PPP3CA: variants seen among roughly 807,000 people sequenced by gnomAD.
PPP3CA encodes the protein protein phosphatase 3 catalytic subunit alpha.
A neutral mutation model predicts 66.5 loss-of-function variants in PPP3CA; 14 were observed. The observed-to-expected ratio is 0.21, with a 90% CI of 0.14 to 0.33. PPP3CA has a LOEUF of 0.33. Among genes scored for constraint, PPP3CA ranks in the 10% least tolerant of loss-of-function variants. The pLI is 1.00. For missense variants in PPP3CA, 317 were observed against 639.5 expected, an observed-to-expected ratio of 0.50 and a Z score of 5.44; for synonymous variants, 232 against 226.2, an observed-to-expected ratio of 1.03 and a Z score of -0.23.
chr4:101,100,693 C>T (rs898894746), intron 3 of PPP3CA, among the ~76,000 whole-genome samples: 23 of 152,188 alleles, frequency 1.5e-4, no homozygotes, highest in Non-Finnish European at 2.9e-4. Flanking sequence ...GCCCTTTTAT[C>T]CTCGTAAAAC....
In PPP3CA at chr4:101,063,372, A is replaced by C; in HGVS notation, c.956-15T>G. The C allele has an allele frequency of 6.2e-7, 1 of 1,601,426 alleles. No individual in the cohort carries two copies. Among genetic ancestry groups the C allele is most frequent in the Non-Finnish European group, 8.5e-7 (1 of 1,173,646 alleles). The stretch of plus-strand genomic sequence containing the variant: ...CAATACTGCAGCTAAAAATAACCAA[A>C]AGAGGATGTTAGGAACACAGAACAT... On this transcript the variant is annotated splice_polypyrimidine_tract_variant and intron_variant, in intron 8 of 13. Transcript: ENST00000394854.
At chr4:101,150,845 A>C (rs1489150966) in intron 2 of PPP3CA, among the ~76,000 whole-genome samples, 1 of 152,156 alleles carries the variant, frequency 6.6e-6, no homozygotes, top group Non-Finnish European at 1.5e-5. Context: ...ATCACAGCAT[A>C]CGACATATTA....
At chr4:101,324,108 G>GA (rs1729123698) in intron 1 of PPP3CA, among the ~76,000 whole-genome samples, 1 of 142,928 alleles carries the variant, frequency 7.0e-6, no homozygotes, top group Non-Finnish European at 1.5e-5. Context: ...ACAAAAGAAA[G>GA]AAAGAAAAGA....
chr4:101,192,058 G>A (rs1165632485), intron 2 of PPP3CA, among the ~76,000 whole-genome samples: 1 of 152,134 alleles, frequency 6.6e-6, no homozygotes, highest in Non-Finnish European at 1.5e-5. Context: ...ACAAATGAGT[G>A]GAATGTTCTC....
intron 10 of PPP3CA, among the ~76,000 whole-genome samples, chr4:101,047,776 T>C (rs2110215585): frequency 6.6e-6 from 1 of 152,094 alleles, no homozygotes; most frequent in East Asian, 1.9e-4. Context: ...ATATGTTATA[T>C]TTAGAGATTT....
chr4:101,308,554 T>A (rs934053926), intron 1 of PPP3CA, among the ~76,000 whole-genome samples: 1 of 152,132 alleles, frequency 6.6e-6, no homozygotes. Flanking sequence ...CAAGTGATCT[T>A]GCAGCTTCAG....
At chr4:101,140,481 A>T (rs1000806334) in intron 2 of PPP3CA, among the ~76,000 whole-genome samples, 3 of 152,178 alleles carry the variant, frequency 2.0e-5, no homozygotes, top group Admixed American at 2.0e-4. Context: ...AAGATTAGTC[A>T]TGCAATATTA....
intron 13 of PPP3CA, among the ~76,000 whole-genome samples, chr4:101,028,076 C>G (rs1484580878): frequency 6.6e-6 from 1 of 152,152 alleles, no homozygotes; most frequent in Non-Finnish European, 1.5e-5. Flanking sequence ...TTTTCTCTTA[C>G]AGTGCTATTG....
At chr4:101,309,268 G>T (rs998340813) in intron 1 of PPP3CA, among the ~76,000 whole-genome samples, 1 of 152,138 alleles carries the variant, frequency 6.6e-6, no homozygotes, top group South Asian at 2.1e-4. Flanking sequence ...CTACACATCA[G>T]GTATTATCTT....
intron 1 of PPP3CA, among the ~76,000 whole-genome samples, chr4:101,214,400 A>C (rs576859232): frequency 1.2e-4 from 19 of 152,182 alleles, no homozygotes; most frequent in Non-Finnish European, 1.9e-4. Flanking sequence ...TAAGTGGTCA[A>C]TAAACATTTA....
Position 101,341,655 on chromosome 4 carries a change from A to G in PPP3CA, c.58+5084T>C, listed in dbSNP as rs538997565. On this transcript the variant is annotated intron_variant, in intron 1 of 13. Coordinates refer to ENST00000394854, the MANE Select transcript of PPP3CA (RefSeq NM_000944.5). The stretch of plus-strand genomic sequence containing the variant: ...GTCCTCACAAGTTGACAGTGGATAC[A>G]ATTACTCCCCTTTTATGTATAGAGA... 1.9e-3 allele frequency among the ~76,000 whole-genome samples: 286 copies of G among 152,304 alleles called. 1 individual carries two copies. Among genetic ancestry groups the G allele is most frequent in the African/African-American group, 6.5e-3 (271 of 41,570 alleles).
At chr4:101,053,477 G>T (rs1728096467) in intron 10 of PPP3CA, among the ~76,000 whole-genome samples, 1 of 152,036 alleles carries the variant, frequency 6.6e-6, no homozygotes, top group South Asian at 2.1e-4. Flanking sequence ...TTAAAAATCA[G>T]TCCTTAATTT....
chr4:101,236,089 A>T (rs1726120497), intron 1 of PPP3CA, among the ~76,000 whole-genome samples: 1 of 151,944 alleles, frequency 6.6e-6, no homozygotes, highest in Non-Finnish European at 1.5e-5. Flanking sequence ...TAGAATTTGT[A>T]GCTTTGTAAA....
chr4:101,317,253 A>G (rs1040031743), intron 1 of PPP3CA, among the ~76,000 whole-genome samples: 1 of 145,312 alleles, frequency 6.9e-6, no homozygotes, highest in Non-Finnish European at 1.5e-5. Context: ...CGGTACTCCC[A>G]ACACACACAC....
At chr4:101,331,025 C>T (rs1729369024) in intron 1 of PPP3CA, among the ~76,000 whole-genome samples, 1 of 152,138 alleles carries the variant, frequency 6.6e-6, no homozygotes, top group Admixed American at 6.6e-5. Flanking sequence ...TTAGATTTTT[C>T]TCCCACAGAA....
At chr4:101,338,267 T>C (rs1245657537) in intron 1 of PPP3CA, among the ~76,000 whole-genome samples, 4 of 152,154 alleles carry the variant, frequency 2.6e-5, no homozygotes, top group Non-Finnish European at 2.9e-5. Context: ...GCAAAATCCA[T>C]ATAATGCCAG....
intron 12 of PPP3CA, among the ~76,000 whole-genome samples, chr4:101,030,137 T>A (rs1263180527): frequency 6.6e-6 from 1 of 152,184 alleles, no homozygotes; most frequent in Non-Finnish European, 1.5e-5. Flanking sequence ...TATAAGTATA[T>A]GAGTCTTTCT....
intron 1 of PPP3CA, among the ~76,000 whole-genome samples, chr4:101,258,229 G>A (rs996033404): frequency 6.6e-5 from 10 of 152,030 alleles, no homozygotes; most frequent in African/African-American, 1.9e-4. Context: ...AAAACATCAC[G>A]AAGAAAGTGG....
chr4:101,219,625 T>C (rs1228841751), intron 1 of PPP3CA, among the ~76,000 whole-genome samples: 1 of 149,670 alleles, frequency 6.7e-6, no homozygotes, highest in Non-Finnish European at 1.5e-5. Context: ...AATAAAACTT[T>C]TATTCCTAGA....
Sources: gnomAD v4.1 joint callset for allele counts (sites outside exome capture counted in the v4.1 genomes callset) on GRCh38, gnomAD v4.1.1 for gene constraint, MANE v1.5 for transcripts, NCBI Gene and HGNC (gene_info 2026-07-23, HGNC 2026-07-21) for gene names.